DYNC2I1: variants seen among roughly 807,000 people sequenced by gnomAD.
DYNC2I1 encodes the protein cytoplasmic dynein 2 intermediate chain 1.
Under a neutral mutation model 133.4 loss-of-function variants are expected in DYNC2I1, and 89 were observed. That is an observed-to-expected ratio of 0.67 (90% CI 0.56 to 0.80). The LOEUF (loss-of-function observed/expected upper bound fraction) is 0.80. Among genes scored for constraint, DYNC2I1 ranks in the 30% least tolerant of loss-of-function variants. DYNC2I1 has a pLI of 0.00. For missense variants in DYNC2I1, 1,291 were observed against 1,314.5 expected (o/e 0.98, Z 0.28); for synonymous variants, 504 against 484.3 (o/e 1.04, Z -0.54).
chr7:158,879,865 G>C lies in DYNC2I1; in HGVS notation c.755G>C (p.Gly252Ala). The C allele has an allele frequency of 1.9e-6, 3 of 1,613,562 alleles. No homozygotes were observed. The highest frequency in any genetic ancestry group is 2.5e-6 in the Non-Finnish European group (3 of 1,179,794). Reference sequence around the variant, plus strand: ...AAAAGTAATTCATTCTCTGACAAAGGGGAAGAAAGACATAAAGAAAAGCGA... The same window carrying C: ...AAAAGTAATTCATTCTCTGACAAAGCGGAAGAAAGACATAAAGAAAAGCGA... ...KEKSNSFSDK[G>A]EERHKEKRHK... The change falls in exon 5 of 25, where the codon GGG becomes GCG. Residue 252 changes from glycine (G) to alanine (A), a missense_variant. Coordinates refer to ENST00000407559, the MANE Select transcript of DYNC2I1 (RefSeq NM_018051.5).
At chr7:158,868,155 C>T (rs712197) in intron 1 of DYNC2I1, among the ~76,000 whole-genome samples, 1 of 152,092 alleles carries the variant, frequency 6.6e-6, no homozygotes, top group Admixed American at 6.5e-5. Flanking sequence ...GGGGAATCAG[C>T]TTGACTTGTA....
At position 158,943,867 on chromosome 7, in the gene DYNC2I1, C is replaced by T. The variant is rs1000393114; in HGVS notation, c.3003-1714C>T. 3.3e-5 allele frequency among the ~76,000 whole-genome samples: 5 copies of T among 152,248 alleles called. No homozygotes were observed. In the South Asian group the frequency reaches 6.2e-4, roughly 19 times the overall value. On this transcript the variant is annotated intron_variant, in intron 24 of 24. Coordinates refer to ENST00000407559, the MANE Select transcript of DYNC2I1 (RefSeq NM_018051.5). ...CCCCTAACCCCTCAGCAGTGCCGGA[C>T]GCCGGGTCAACCCTGTCCATCTGTC... is the stretch of plus-strand genomic sequence containing the variant.
At chr7:158,869,272 G>C (rs970965837) in intron 1 of DYNC2I1, among the ~76,000 whole-genome samples, 1 of 149,414 alleles carries the variant, frequency 6.7e-6, no homozygotes, top group Non-Finnish European at 1.5e-5. Flanking sequence ...GCCCGTGGCT[G>C]TGGCATCTGC....
chr7:158,856,096 T>C (rs2129475338), upstream of DYNC2I1, among the ~76,000 whole-genome samples: 1 of 151,658 alleles, frequency 6.6e-6, no homozygotes, highest in South Asian at 2.1e-4. Context: ...CGCCTGCTAC[T>C]GCGCCCAGCT....
At chr7:158,892,810 GC>G (rs1173497609) in intron 8 of DYNC2I1, among the ~76,000 whole-genome samples, 3 of 151,742 alleles carry the variant, frequency 2.0e-5, no homozygotes, top group Non-Finnish European at 4.4e-5. Flanking sequence ...GTGTGGTGGC[GC>G]GTGCCTGTAA....
At chr7:158,877,976 G>A (rs1287845808) in intron 4 of DYNC2I1, among the ~76,000 whole-genome samples, 2 of 152,276 alleles carry the variant, frequency 1.3e-5, no homozygotes, top group African/African-American at 4.8e-5. Flanking sequence ...CCAGCATGAG[G>A]GATGAGGCTG....
rs779502233 is a variant in DYNC2I1, at chr7:158,923,723, G to A, written c.2247G>A (p.Thr749=). The change falls in exon 17 of 25, where the codon ACG becomes ACA. Residue 749 remains threonine, a synonymous_variant. Coordinates refer to ENST00000407559, the MANE Select transcript of DYNC2I1 (RefSeq NM_018051.5). ...GCTTCTGGACGTTCCGGACCGCCAC[G>A]TTTTCCACCGGTCAGTGTCATCTGC... The part of the protein sequence containing the change: ...SDGFWTFRTA[T]FSTDGILTSV... 1.5e-5 allele frequency: 24 copies of A among 1,610,102 alleles called. No homozygotes were observed. Among genetic ancestry groups the A allele is most frequent in the Admixed American group, 6.7e-5 (4 of 59,698 alleles).
intron 6 of DYNC2I1, 118 bp downstream of exon 6, chr7:158,884,737 CT>C: frequency 2.1e-6 from 2 of 962,022 alleles, no homozygotes; most frequent in Middle Eastern, 2.2e-4. Flanking sequence ...TATAGATATA[CT>C]TCATTTTCTC....
At chr7:158,865,964 TAGTC>T (rs913652085) in intron 1 of DYNC2I1, among the ~76,000 whole-genome samples, 3 of 152,128 alleles carry the variant, frequency 2.0e-5, no homozygotes, top group African/African-American at 7.2e-5. Context: ...CGCTCCAAAG[TAGTC>T]AGTATTCTGT....
At chr7:158,946,627 C>T (rs778939186), downstream of DYNC2I1, among the ~76,000 whole-genome samples, 2 of 152,240 alleles carry the variant, frequency 1.3e-5, no homozygotes, top group African/African-American at 2.4e-5. Flanking sequence ...AGGGCCCTGC[C>T]CCTTAACAGC....
chr7:158,852,473 G>A (rs1003039960), upstream of DYNC2I1, among the ~76,000 whole-genome samples: 3 of 151,728 alleles, frequency 2.0e-5, no homozygotes, highest in South Asian at 2.1e-4. Flanking sequence ...GGGCATGGTG[G>A]CTCACGCCTG....
chr7:158,916,979 C>T (rs1389691125), intron 14 of DYNC2I1, among the ~76,000 whole-genome samples: 2 of 57,070 alleles, frequency 3.5e-5, no homozygotes, highest in African/African-American at 6.6e-5. Flanking sequence ...AACGTCTACA[C>T]GCTGGTTGAC....
chr7:158,880,306 G>T (rs545357198), intron 5 of DYNC2I1, among the ~76,000 whole-genome samples: 3 of 152,280 alleles, frequency 2.0e-5, no homozygotes, highest in African/African-American at 7.2e-5. Context: ...GGAGGCCGAG[G>T]TGGGTGGATC....
intron 14 of DYNC2I1, 70 bp downstream of exon 14, chr7:158,914,391 G>A (rs1420575205): frequency 2.4e-6 from 3 of 1,263,730 alleles, no homozygotes; most frequent in South Asian, 2.8e-5. Flanking sequence ...TAGAAACATA[G>A]GAGCTTTTAA....
chr7:158,931,229 A>G (rs1347531902), intron 21 of DYNC2I1, among the ~76,000 whole-genome samples: 1 of 152,134 alleles, frequency 6.6e-6, no homozygotes, highest in Non-Finnish European at 1.5e-5. Flanking sequence ...TACAAATATT[A>G]TTTGTGGTAT....
At chr7:158,852,400 A>G (rs1033732940), upstream of DYNC2I1, among the ~76,000 whole-genome samples, 1 of 151,136 alleles carries the variant, frequency 6.6e-6, no homozygotes, top group African/African-American at 2.4e-5. Context: ...GATTACAGGC[A>G]TGAGCCACCG....
intron 2 of DYNC2I1, among the ~76,000 whole-genome samples, chr7:158,870,557 A>G (rs1182620464): frequency 7.0e-6 from 1 of 142,052 alleles, no homozygotes; most frequent in Non-Finnish European, 1.5e-5. Context: ...TTTGCGGGAG[A>G]GATGGGGATC....
chr7:158,910,332 T>C (rs900144053), intron 11 of DYNC2I1, among the ~76,000 whole-genome samples: 1 of 149,624 alleles, frequency 6.7e-6, no homozygotes. Context: ...GTCAGGTCTG[T>C]GGGTGGAGCA....
chr7:158,906,154 A>T (rs1259540500), intron 11 of DYNC2I1, 63 bp downstream of exon 11: 11 of 1,439,276 alleles, frequency 7.6e-6, no homozygotes, highest in Non-Finnish European at 1.0e-5. Flanking sequence ...TCTTTCACAT[A>T]CTTTTAAAAA....
Sources: gnomAD v4.1 joint callset for allele counts (sites outside exome capture counted in the v4.1 genomes callset) on GRCh38, gnomAD v4.1.1 for gene constraint, MANE v1.5 for transcripts, NCBI Gene and HGNC (gene_info 2026-07-23, HGNC 2026-07-21) for gene names.